Variants in PDSS2 observed in about 807,000 individuals in gnomAD.
PDSS2 encodes the protein decaprenyl diphosphate synthase subunit 2, also known as all trans-polyprenyl-diphosphate synthase PDSS2.
Under a neutral mutation model 44.5 loss-of-function variants are expected in PDSS2, and 31 were observed. The observed-to-expected ratio is 0.70, with a 90% CI of 0.52 to 0.94. The LOEUF (loss-of-function observed/expected upper bound fraction) is 0.94, where lower values mean the gene tolerates loss of function less well. PDSS2 is among the 40% of genes least tolerant of loss of function. The probability of loss-of-function intolerance (pLI) is 0.00; values close to 1 mark genes in which losing one functional copy is unlikely to be tolerated. For missense variants in PDSS2, 452 were observed against 482.2 expected, an observed-to-expected ratio of 0.94 and a Z score of 0.59; for synonymous variants, 157 against 180.3, an observed-to-expected ratio of 0.87 and a Z score of 1.03.
intron 6 of PDSS2, among the ~76,000 whole-genome samples, chr6:107,200,180 C>T (rs1427587748): frequency 6.6e-6 from 1 of 152,180 alleles, no homozygotes; most frequent in Non-Finnish European, 1.5e-5. Flanking sequence ...CTACTGATTA[C>T]AGCAAAAGGC....
intron 1 of PDSS2, among the ~76,000 whole-genome samples, chr6:107,453,355 A>C (rs1278433759): frequency 6.6e-6 from 1 of 152,170 alleles, no homozygotes; most frequent in Non-Finnish European, 1.5e-5. Flanking sequence ...TTCACAAATA[A>C]TCCATTTTAC....
At position 107,152,755 on chromosome 6, in the gene PDSS2, C is replaced by T. The variant is rs1360517097; in HGVS notation, c.*1864G>A. The T allele has an allele frequency of 1.3e-5, 2 of 152,164 alleles. No individual in the cohort carries two copies. Among genetic ancestry groups the T allele is most frequent in the African/African-American group, 4.8e-5 (2 of 41,442 alleles). 9.4% of individuals were successfully genotyped at this position (152,164 alleles called of 1,614,324 possible). ...CTGCCTGGTGCCCTGCAGTGCCCGA[C>T]CATCTGCTTAGTAAAACCTACTGCT... On this transcript the variant is annotated 3_prime_UTR_variant, in exon 8 of 8. Transcript: ENST00000369037.
intron 3 of PDSS2, among the ~76,000 whole-genome samples, chr6:107,273,316 CTA>C (rs1417642526): frequency 6.6e-6 from 1 of 151,376 alleles, no homozygotes; most frequent in South Asian, 2.1e-4. Flanking sequence ...GACCATGTCT[CTA>C]TAACAAAAGG....
intron 3 of PDSS2, among the ~76,000 whole-genome samples, chr6:107,262,555 G>C (rs568270723): frequency 6.6e-6 from 1 of 151,944 alleles, no homozygotes; most frequent in African/African-American, 2.4e-5. Context: ...GGCAGATCAC[G>C]AGGTCAGGAG....
intron 7 of PDSS2, among the ~76,000 whole-genome samples, chr6:107,173,122 CAA>C (rs34305757): frequency 5.5e-4 from 67 of 122,722 alleles, no homozygotes; most frequent in Non-Finnish European, 5.3e-4. Flanking sequence ...GACTCTGTCT[CAA>C]AAAAAAAAAA....
rs191066869 is a variant in PDSS2, at chr6:107,326,198, G to A, written c.431+8000C>T. Among the ~76,000 whole-genome samples, 30 of 151,924 alleles carry A rather than the reference G, an allele frequency of 2.0e-4. 2 individuals carry two copies. In the East Asian group the frequency reaches 5.9e-3, roughly 30 times the overall value. ...GCTCACTGCAACCTCCGTCTCCCGG[G>A]TTGAAGTGATTTTCCTGCCTCAGCC... On this transcript the variant is annotated intron_variant, in intron 2 of 7. Transcript: ENST00000369037.
At chr6:107,386,319 T>C (rs1321118448) in intron 1 of PDSS2, among the ~76,000 whole-genome samples, 2 of 151,850 alleles carry the variant, frequency 1.3e-5, no homozygotes, top group Non-Finnish European at 2.9e-5. Context: ...CTTTGTGATA[T>C]TAAAAAGTAA....
At chr6:107,334,374 C>A in intron 1 of PDSS2, 42 bp from the exon 2 acceptor site, 3 of 1,589,552 alleles carry the variant, frequency 1.9e-6, no homozygotes, top group South Asian at 1.1e-5. Flanking sequence ...TATACCCTCA[C>A]GAGATCATCA....
intron 4 of PDSS2, among the ~76,000 whole-genome samples, chr6:107,234,224 G>A (rs4467811): frequency 0.18 from 25,643 of 143,118 alleles, 2,357 homozygotes; most frequent in South Asian, 0.24. Flanking sequence ...TTTTTTCTTT[G>A]AGACGGAGTC....
chr6:107,313,141 A>G (rs527937360), intron 2 of PDSS2, among the ~76,000 whole-genome samples: 2 of 152,364 alleles, frequency 1.3e-5, no homozygotes, highest in Non-Finnish European at 2.9e-5. Flanking sequence ...TCCAGGAAAT[A>G]TAAACATGTG....
intron 6 of PDSS2, among the ~76,000 whole-genome samples, chr6:107,208,285 C>CT (rs1164014672): frequency 0.12 from 6,599 of 53,254 alleles, 1,253 homozygotes; most frequent in African/African-American, 0.24. Context: ...CATGCCTGGC[C>CT]TTTTTTTTTT....
intron 3 of PDSS2, among the ~76,000 whole-genome samples, chr6:107,261,885 A>C (rs1775242483): frequency 1.5e-5 from 1 of 67,746 alleles, no homozygotes; most frequent in Non-Finnish European, 3.1e-5. Context: ...GGCCCGTCTC[A>C]GGTATTTCTT....
chr6:107,220,695 A>G (rs574710677), intron 4 of PDSS2, among the ~76,000 whole-genome samples: 203 of 152,302 alleles, frequency 1.3e-3, no homozygotes, highest in Non-Finnish European at 2.5e-3. Context: ...ATCACTGGAA[A>G]AAAAATAGAA....
intron 6 of PDSS2, among the ~76,000 whole-genome samples, chr6:107,195,559 C>A (rs747363299): frequency 6.9e-6 from 1 of 145,298 alleles, no homozygotes; most frequent in East Asian, 2.2e-4. Flanking sequence ...GAAGATGACT[C>A]CATTTTTTTT....
Position 107,360,736 on chromosome 6 carries a change from C to T in PDSS2, c.297-26404G>A, listed in dbSNP as rs536200423. ...TCTTCAACATTGTGAAAGAAGAGAG[C>T]GGTCTGTGTTTTCACAAAGGGATGC... On this transcript the variant is annotated intron_variant, in intron 1 of 7. Coordinates refer to ENST00000369037, the MANE Select transcript of PDSS2 (RefSeq NM_020381.4). Among the ~76,000 whole-genome samples the T allele has an allele frequency of 1.3e-4, 20 of 152,304 alleles. No individual in the cohort carries two copies. The Middle Eastern group carries it at 0.017, about 130-fold the overall frequency.
chr6:107,420,847 G>A (rs1218405859), intron 1 of PDSS2, among the ~76,000 whole-genome samples: 2 of 150,946 alleles, frequency 1.3e-5, no homozygotes, highest in African/African-American at 2.4e-5. Context: ...ACCAGTAACT[G>A]GATGTCATCA....
intron 1 of PDSS2, among the ~76,000 whole-genome samples, chr6:107,377,037 T>C (rs573007985): frequency 5.5e-4 from 83 of 150,158 alleles, no homozygotes; most frequent in Middle Eastern, 3.4e-3. Context: ...AATTGACAAA[T>C]GGGATCTAAT....
chr6:107,362,814 C>T (rs575531850), intron 1 of PDSS2, among the ~76,000 whole-genome samples: 227 of 152,048 alleles, frequency 1.5e-3, no homozygotes, highest in African/African-American at 5.1e-3. Flanking sequence ...TACAGAGTCT[C>T]AGTAAAAAGA....
rs191987050 is a variant in PDSS2, at chr6:107,262,281, C to A, written c.630+11748G>T. Among the ~76,000 whole-genome samples the A allele has an allele frequency of 4.4e-3, 674 of 152,192 alleles. 6 individuals carry two copies. The highest frequency in any genetic ancestry group is 0.016 in the African/African-American group (650 of 41,534). ...TCACAACTCGGTTAATTTCACCTCA[C>A]GTAATCTCTAAAGTGTATATACATC... On this transcript the variant is annotated intron_variant, in intron 3 of 7. Coordinates refer to ENST00000369037, the MANE Select transcript of PDSS2 (RefSeq NM_020381.4).
Sources: allele counts gnomAD v4.1 joint callset (sites outside exome capture counted in the v4.1 genomes callset), GRCh38; gene constraint gnomAD v4.1.1; transcripts MANE v1.5; gene names NCBI Gene and HGNC (gene_info 2026-07-23, HGNC 2026-07-21).